Variants in ESCO1 observed in about 807,000 individuals in gnomAD.
ESCO1 encodes the protein establishment of sister chromatid cohesion N-acetyltransferase 1.
In ESCO1, 33 loss-of-function variants were observed where a neutral mutation model predicts 83.5. That is an observed-to-expected ratio of 0.40 (90% confidence interval 0.30 to 0.53). ESCO1 has a LOEUF of 0.53. Among genes scored for constraint, ESCO1 ranks in the 20% least tolerant of loss-of-function variants. The pLI, the probability that ESCO1 is intolerant of heterozygous loss-of-function variation, is 0.63. For missense variants in ESCO1, 855 were observed against 968.0 expected (o/e 0.88, Z 1.55); for synonymous variants, 332 against 324.3 (o/e 1.02, Z -0.25).
chr18:21,547,148 C>A (rs991213146), intron 8 of ESCO1, among the ~76,000 whole-genome samples: 1 of 151,992 alleles, frequency 6.6e-6, no homozygotes, highest in Admixed American at 6.6e-5. Flanking sequence ...TATATAATAC[C>A]CTGTATATCC....
chr18:21,559,064 T>C (rs1481755152), intron 8 of ESCO1, among the ~76,000 whole-genome samples: 6 of 152,226 alleles, frequency 3.9e-5, no homozygotes, highest in African/African-American at 1.4e-4. Flanking sequence ...AGCTTTAAGA[T>C]AGGTACGTTT....
intron 2 of ESCO1, among the ~76,000 whole-genome samples, chr18:21,579,315 G>GAAAATTTATTTTCTAATA (rs1389481856): frequency 2.0e-5 from 3 of 151,930 alleles, no homozygotes; most frequent in Non-Finnish European, 4.4e-5. Flanking sequence ...CTAATAAGCT[G>GAAAATTTATTTTCTAATA]AGCATGGTGG....
chr18:21,574,149 G>A lies in ESCO1; in HGVS notation c.695C>T (p.Thr232Ile), dbSNP rs2038383480. The part of the protein sequence containing the change: ...QGSEKCPQKT[T>I]RRDETKPVPV... ...CACAGGTTTCGTTTCGTCTCTTCTAGTAGTCTTCTGAGGACACTTTTCAGA... is the reference window on the plus strand; with the variant it reads ...CACAGGTTTCGTTTCGTCTCTTCTAATAGTCTTCTGAGGACACTTTTCAGA... Residue 232 changes from threonine (T) to isoleucine (I), a missense_variant, in exon 4 of 12, where the codon ACT becomes ATT. By Grantham distance (89) the Thr-to-Ile change is moderately conservative (BLOSUM62 -1). Around this residue, in one of 2 missense-constraint regions of ESCO1, gnomAD observed 726 missense variants for 699.5 expected, o/e 1.04. Coordinates refer to ENST00000269214, the MANE Select transcript of ESCO1 (RefSeq NM_052911.3). 3 of 1,613,678 alleles carry A rather than the reference G, an allele frequency of 1.9e-6. No individual in the cohort carries two copies. The African/African-American group carries it at 4.0e-5, about 22-fold the overall frequency.
At chr18:21,567,811 G>A (rs1029533398) in intron 5 of ESCO1, among the ~76,000 whole-genome samples, 169 bp downstream of exon 5, 1 of 152,100 alleles carries the variant, frequency 6.6e-6, no homozygotes, top group African/African-American at 2.4e-5. Flanking sequence ...CCAATCAACA[G>A]AAGTAATTCT....
intron 1 of ESCO1, among the ~76,000 whole-genome samples, chr18:21,591,297 A>ATT (rs2038664390): frequency 6.6e-6 from 1 of 152,242 alleles, no homozygotes; most frequent in African/African-American, 2.4e-5. Flanking sequence ...TCATAGGCCC[A>ATT]GGAATGCCAG....
chr18:21,546,224 C>T (rs2037971718), intron 8 of ESCO1, among the ~76,000 whole-genome samples: 1 of 152,060 alleles, frequency 6.6e-6, no homozygotes, highest in Non-Finnish European at 1.5e-5. Context: ...TACTTAACCT[C>T]TCTAAAACTT....
At chr18:21,541,153 A>G (rs933178546) in intron 8 of ESCO1, among the ~76,000 whole-genome samples, 1 of 152,194 alleles carries the variant, frequency 6.6e-6, no homozygotes. Context: ...TTTACATAAT[A>G]GAGTACCCAA....
intron 8 of ESCO1, among the ~76,000 whole-genome samples, chr18:21,550,601 A>G (rs1188306260): frequency 1.3e-5 from 2 of 152,226 alleles, no homozygotes; most frequent in Non-Finnish European, 2.9e-5. Flanking sequence ...TGGACTTAGC[A>G]AACACATTGA....
chr18:21,586,464 G>C (rs2038577939), intron 1 of ESCO1, among the ~76,000 whole-genome samples: 1 of 152,136 alleles, frequency 6.6e-6, no homozygotes, highest in Admixed American at 6.6e-5. Flanking sequence ...ATTGTGAACA[G>C]TGCCACAATG....
At chr18:21,534,115 C>T (rs147808152) in intron 10 of ESCO1, among the ~76,000 whole-genome samples, 164 of 152,258 alleles carry the variant, frequency 1.1e-3, no homozygotes, top group African/African-American at 3.8e-3. Flanking sequence ...TATAGAGAAA[C>T]TCCTGCAAAC....
chr18:21,562,663 A>G (rs2038204020), intron 7 of ESCO1, among the ~76,000 whole-genome samples: 1 of 151,670 alleles, frequency 6.6e-6, no homozygotes, highest in African/African-American at 2.4e-5. Context: ...AATCCTACTG[A>G]TTATGTTGAC....
intron 9 of ESCO1, among the ~76,000 whole-genome samples, chr18:21,539,548 TC>T (rs1464135705): frequency 1.3e-5 from 2 of 152,144 alleles, no homozygotes; most frequent in African/African-American, 4.8e-5. Context: ...TCTGTTATCC[TC>T]TTAAAATTAA....
Position 21,532,679 on chromosome 18 carries a change from G to A in ESCO1, c.2188-19C>T. On this transcript the variant is annotated intron_variant, in intron 10 of 11. Coordinates refer to ENST00000269214, the MANE Select transcript of ESCO1 (RefSeq NM_052911.3). ...TGTAGCCCTACAGGTGTCAAAAATG[G>A]GGAAAAAATTTAAGTGAGATTATTA... 1 of 1,599,358 alleles carries A rather than the reference G, an allele frequency of 6.3e-7. No individual in the cohort carries two copies. The highest frequency in any genetic ancestry group is 8.5e-7 in the Non-Finnish European group (1 of 1,172,618).
rs574316643 is a variant in ESCO1, at chr18:21,533,107, G to C, written c.2188-447C>G. ...AGTTCTAGATTTCACAGTTGTACAA[G>C]AACTGAGACTAGGGATAGCAGAGAA... On this transcript the variant is annotated intron_variant, in intron 10 of 11. Transcript: ENST00000269214. Among the ~76,000 whole-genome samples, 4 of 151,870 alleles carry C rather than the reference G, an allele frequency of 2.6e-5. No individual in the cohort carries two copies. In the South Asian group the frequency reaches 8.3e-4, roughly 32 times the overall value.
Position 21,574,138 on chromosome 18 carries a change from C to A in ESCO1, c.706G>T (p.Glu236Ter), listed in dbSNP as rs373573118. ...GAAGTTACAGGCACAGGTTTCGTTT[C>A]GTCTCTTCTAGTAGTCTTCTGAGGA... ...KCPQKTTRRD[E>*]TKPVPVTSEV... Residue 236 changes from glutamate to a stop codon, truncating the protein, a stop_gained, in exon 4 of 12, where the codon GAA becomes TAA. Transcript: ENST00000269214. LOFTEE classifies it high-confidence loss of function. The A allele has an allele frequency of 1.2e-6, 2 of 1,613,776 alleles. No homozygotes were observed. The highest frequency in any genetic ancestry group is 1.7e-6 in the Non-Finnish European group (2 of 1,180,018).
chr18:21,544,770 A>C (rs1040719261), intron 8 of ESCO1, among the ~76,000 whole-genome samples: 2 of 152,250 alleles, frequency 1.3e-5, no homozygotes, highest in African/African-American at 4.8e-5. Context: ...AAAGGGGTTC[A>C]TTACTCTGTG....
Position 21,568,104 on chromosome 18 carries a change from T to C in ESCO1, c.1531-10A>G, listed in dbSNP as rs780731675. 1.9e-6 allele frequency: 3 copies of C among 1,590,128 alleles called. No individual in the cohort carries two copies. The highest frequency in any genetic ancestry group is 2.6e-6 in the Non-Finnish European group (3 of 1,165,970). On this transcript the variant is annotated splice_polypyrimidine_tract_variant and intron_variant, in intron 4 of 11. Coordinates refer to ENST00000269214, the MANE Select transcript of ESCO1 (RefSeq NM_052911.3). ...AACATTGGCTGAAATTCTGAACACA[T>C]ATAATTCAAAATTTTTACATCAACT...
intron 4 of ESCO1, among the ~76,000 whole-genome samples, chr18:21,571,200 T>C (rs1428837564): frequency 6.6e-6 from 1 of 152,132 alleles, no homozygotes; most frequent in African/African-American, 2.4e-5. Context: ...GGATATTTTT[T>C]TTTTGAAGAC....
At chr18:21,579,168 A>G (rs2038459168) in intron 2 of ESCO1, among the ~76,000 whole-genome samples, 1 of 151,162 alleles carries the variant, frequency 6.6e-6, no homozygotes, top group South Asian at 2.1e-4. Flanking sequence ...CCTTTTTTGT[A>G]CTTTTAGTAG....
Sources: gnomAD v4.1 joint callset for allele counts (sites outside exome capture counted in the v4.1 genomes callset) on GRCh38, gnomAD v4.1.1 for gene constraint, gnomAD v4.1.1 regional missense constraint, MANE v1.5 for transcripts, NCBI Gene and HGNC (gene_info 2026-07-23, HGNC 2026-07-21) for gene names.